Variants in ART3 observed in about 807,000 individuals in gnomAD.
The protein encoded by ART3 is ADP-ribosyltransferase 3 (inactive), also known as ecto-ADP-ribosyltransferase 3.
Under a neutral mutation model 48.5 loss-of-function variants are expected in ART3, and 49 were observed. The observed-to-expected ratio is 1.01, with a 90% CI of 0.80 to 1.28. The LOEUF is 1.28. Ranked by LOEUF, ART3 falls within the 50% of genes most tolerant of loss-of-function variation. The probability of loss-of-function intolerance (pLI) is 0.00; values close to 1 mark genes in which losing one functional copy is unlikely to be tolerated. For missense variants in ART3, 438 were observed against 454.3 expected (o/e 0.96, Z 0.33); for synonymous variants, 145 against 157.2 (o/e 0.92, Z 0.58).
intron 1 of ART3, among the ~76,000 whole-genome samples, chr4:76,063,607 A>G (rs1687916059): frequency 2.0e-5 from 3 of 152,230 alleles, no homozygotes; most frequent in Admixed American, 2.0e-4. Flanking sequence ...CGGTTGTGCC[A>G]TATATATTCC....
At chr4:76,087,330 G>A (rs112650370) in intron 3 of ART3, among the ~76,000 whole-genome samples, 9 of 152,150 alleles carry the variant, frequency 5.9e-5, no homozygotes, top group African/African-American at 1.9e-4. Context: ...CATTGTACTC[G>A]AGTGTGTTGA....
chr4:76,024,733 T>C (rs118031747), intron 1 of ART3, among the ~76,000 whole-genome samples: 1 of 152,256 alleles, frequency 6.6e-6, no homozygotes, highest in East Asian at 1.9e-4. Flanking sequence ...GCAAGTGATA[T>C]TTAGAACCTA....
At chr4:76,020,563 G>C (rs1732703580) in intron 1 of ART3, among the ~76,000 whole-genome samples, 1 of 152,188 alleles carries the variant, frequency 6.6e-6, no homozygotes, top group South Asian at 2.1e-4. Flanking sequence ...GAAACTGATT[G>C]GATGATGGTG....
Position 76,030,322 on chromosome 4 carries a change from CTGG to C in ART3, c.-10+19003_-10+19005del, listed in dbSNP as rs1175123593. On this transcript the variant is annotated intron_variant, in intron 1 of 9. Transcript: ENST00000341029. ...CCACCCGCCTCGGCCTCCCAAAGTG[CTGG>C]GATTACAGGCGTGAGCCACCGTGTC... Among the ~76,000 whole-genome samples, 6 of 152,342 alleles carry C rather than the reference CTGG, an allele frequency of 3.9e-5. No individual in the cohort carries two copies. In the East Asian group the frequency reaches 1.2e-3, roughly 29 times the overall value.
chr4:76,022,659 G>C (rs1341480689), intron 1 of ART3: 7 of 1,607,076 alleles, frequency 4.4e-6, no homozygotes, highest in Non-Finnish European at 6.0e-6. Context: ...ATTACAACCA[G>C]GGAAGTGATA....
rs771090412 is a variant in ART3, at chr4:76,035,937, T to C, written c.-10+24617T>C. The C allele has an allele frequency of 2.5e-6, 4 of 1,613,638 alleles. No homozygotes were observed. The South Asian group carries it at 3.3e-5, about 13-fold the overall frequency. ...AAAATTACTGCATACCTTGAACAAC[T>C]GTAGCACACAATATCACAGCCAAGG... On this transcript the variant is annotated intron_variant, in intron 1 of 9. Coordinates refer to the ART3 transcript ENST00000341029.
chr4:76,062,559 C>CT lies in ART3; in HGVS notation c.-9-13303dup, dbSNP rs34383642. Among the ~76,000 whole-genome samples the CT allele has an allele frequency of 6.0e-3, 680 of 113,010 alleles. 21 individuals are homozygous for CT. The highest frequency in any genetic ancestry group is 8.9e-3 in the African/African-American group (256 of 28,786). The allele number at this position is 113,010 out of a possible 152,430, so 74.1% of individuals were successfully genotyped here. A position where few individuals can be genotyped will look rare whatever the true frequency, so the allele number is the denominator to read the frequency against. ...ATCCTTATGTGAAAGAAAAATAAAT[C>CT]TTTTTTTTTTTTTTTTTTTGAGACA... On this transcript the variant is annotated intron_variant, in intron 1 of 9. Transcript: ENST00000341029.
At chr4:76,106,734 TC>T (rs369923816) in intron 10 of ART3, among the ~76,000 whole-genome samples, 2 of 152,002 alleles carry the variant, frequency 1.3e-5, no homozygotes, top group African/African-American at 4.8e-5. Flanking sequence ...TCAAGAGACT[TC>T]CCCCCCACCT....
At chr4:76,048,802 A>G (rs4406046) in intron 1 of ART3, among the ~76,000 whole-genome samples, 89,329 of 151,288 alleles carry the variant, frequency 0.59, 27,502 homozygotes, top group East Asian at 0.94. Flanking sequence ...GACCGACCAC[A>G]AAAAATCGGA....
chr4:76,019,698 C>T (rs975932099), intron 1 of ART3, among the ~76,000 whole-genome samples: 4 of 150,714 alleles, frequency 2.7e-5, no homozygotes, highest in African/African-American at 9.8e-5. Context: ...TCGTGATCCA[C>T]CCATCTCGGC....
At chr4:76,039,657 C>T (rs1734763817) in intron 1 of ART3, among the ~76,000 whole-genome samples, 1 of 152,104 alleles carries the variant, frequency 6.6e-6, no homozygotes, top group African/African-American at 2.4e-5. Context: ...TATAGACAAA[C>T]AATAGTGAAT....
intron 1 of ART3, among the ~76,000 whole-genome samples, chr4:76,014,797 A>G (rs997713902): frequency 1.3e-5 from 2 of 152,220 alleles, no homozygotes; most frequent in African/African-American, 4.8e-5. Flanking sequence ...TCTTGAAAGC[A>G]ACAAGTGAAG....
chr4:76,013,822 A>G (rs868007), intron 1 of ART3, among the ~76,000 whole-genome samples: 7,043 of 152,252 alleles, frequency 0.046, 216 homozygotes, highest in South Asian at 0.14. Context: ...TTCATTTAGC[A>G]TGTGAAAATT....
chr4:76,091,104 T>C (rs1724789592), intron 3 of ART3, among the ~76,000 whole-genome samples: 1 of 152,270 alleles, frequency 6.6e-6, no homozygotes, highest in Non-Finnish European at 1.5e-5. Context: ...TATGCTGTTG[T>C]AGAATAGTGG....
At chr4:76,077,773 G>T (rs564431040) in intron 2 of ART3, among the ~76,000 whole-genome samples, 1 of 152,266 alleles carries the variant, frequency 6.6e-6, no homozygotes, top group South Asian at 2.1e-4. Flanking sequence ...TTTAGGAACT[G>T]CCAAACTTTT....
intron 1 of ART3, among the ~76,000 whole-genome samples, chr4:76,026,671 C>G (rs1733415735): frequency 6.9e-6 from 1 of 145,766 alleles, no homozygotes; most frequent in Non-Finnish European, 1.5e-5. Flanking sequence ...AGAGTGGTAC[C>G]CCTAAAAGCT....
In ART3 at chr4:76,112,300, G is replaced by A; in HGVS notation, c.1037-86G>A. 10 of 1,460,332 alleles carry A rather than the reference G, an allele frequency of 6.8e-6. No individual in the cohort carries two copies. The South Asian group carries it at 1.0e-4, about 15-fold the overall frequency. 90.5% of individuals were successfully genotyped at this position (1,460,332 alleles called of 1,614,324 possible). A position where few individuals can be genotyped will look rare whatever the true frequency, so the allele number is the denominator to read the frequency against. On this transcript the variant is annotated intron_variant, in intron 11 of 11. Transcript: ENST00000355810. ...TTTCTACTTCAACTTTAGTGTCATT[G>A]TTTACATATTCAGGATATATTTTAT... is the stretch of plus-strand genomic sequence containing the variant.
chr4:76,045,205 A>C (rs1165773402), intron 1 of ART3, among the ~76,000 whole-genome samples: 1 of 151,850 alleles, frequency 6.6e-6, no homozygotes, highest in East Asian at 1.9e-4. Flanking sequence ...AGTTAAGGGG[A>C]CTTCTAAGAG....
chr4:76,034,898 G>C (rs1734211552), intron 1 of ART3: 1 of 1,398,836 alleles, frequency 7.1e-7, no homozygotes, highest in Non-Finnish European at 1.0e-6. Context: ...AGTAAGAAGG[G>C]GAAGCTGTTA....
Sources: gnomAD v4.1 joint callset for allele counts (sites outside exome capture counted in the v4.1 genomes callset) on GRCh38, gnomAD v4.1.1 for gene constraint, MANE v1.5 for transcripts, NCBI Gene and HGNC (gene_info 2026-07-23, HGNC 2026-07-21) for gene names.